SPOCK1: variants seen among roughly 807,000 people sequenced by gnomAD.
The protein encoded by SPOCK1 is SPARC (osteonectin), cwcv and kazal like domains proteoglycan 1, also known as testican-1.
In SPOCK1, 23 loss-of-function variants were observed where a neutral mutation model predicts 55.3. The observed-to-expected ratio is 0.42, with a 90% CI of 0.30 to 0.59. SPOCK1 has a LOEUF of 0.59. SPOCK1 is among the 20% of genes least tolerant of loss of function. The pLI is 0.22. For missense variants in SPOCK1, 499 were observed against 552.5 expected (o/e 0.90, Z 0.97); for synonymous variants, 226 against 221.0 (o/e 1.02, Z -0.20).
At chr5:137,070,578 C>T (rs116168179) in intron 5 of SPOCK1, among the ~76,000 whole-genome samples, 4,455 of 152,286 alleles carry the variant, frequency 0.029, 219 homozygotes, top group African/African-American at 0.1. Context: ...TACCAATCTG[C>T]CTGCACAAGG....
At chr5:137,131,118 T>C (rs995271920) in intron 4 of SPOCK1, among the ~76,000 whole-genome samples, 1 of 152,224 alleles carries the variant, frequency 6.6e-6, no homozygotes. Context: ...AAGAATGTCT[T>C]TCACGGTTCA....
chr5:137,106,871 C>T (rs1441124101), intron 5 of SPOCK1, among the ~76,000 whole-genome samples: 2 of 152,176 alleles, frequency 1.3e-5, no homozygotes, highest in Non-Finnish European at 2.9e-5. Flanking sequence ...TAGTGAACCC[C>T]TTTCCCTACC....
intron 2 of SPOCK1, among the ~76,000 whole-genome samples, chr5:137,455,635 T>C (rs572826462): frequency 6.6e-6 from 1 of 152,156 alleles, no homozygotes; most frequent in South Asian, 2.1e-4. Context: ...GCTTCTTGTC[T>C]CTAATACCTG....
intron 3 of SPOCK1, among the ~76,000 whole-genome samples, chr5:137,247,086 A>G (rs139541327): frequency 2.3e-3 from 356 of 152,350 alleles, no homozygotes; most frequent in African/African-American, 7.9e-3. Flanking sequence ...TGTCTGAAGG[A>G]TGAAGAGACA....
rs567845671 is a variant in SPOCK1, at chr5:137,094,309, T to G, written c.474+18126A>C. On this transcript the variant is annotated intron_variant, in intron 5 of 10. Coordinates refer to ENST00000394945, the MANE Select transcript of SPOCK1 (RefSeq NM_004598.4). ...GGCCACTCAAAAGCTACTCTACATA[T>G]GCACCATGCTATTCCTATTCACCAC... Among the ~76,000 whole-genome samples, 8 of 152,288 alleles carry G rather than the reference T, an allele frequency of 5.3e-5. No individual in the cohort carries two copies. The South Asian group carries it at 1.7e-3, about 32-fold the overall frequency.
chr5:136,996,827 G>T (rs758621417), intron 6 of SPOCK1, among the ~76,000 whole-genome samples: 28 of 152,090 alleles, frequency 1.8e-4, no homozygotes, highest in Admixed American at 1.3e-3. Flanking sequence ...CATGGGAGGG[G>T]ACAAATAAAG....
intron 5 of SPOCK1, among the ~76,000 whole-genome samples, chr5:137,094,481 A>G (rs538590591): frequency 6.6e-6 from 1 of 152,348 alleles, no homozygotes; most frequent in East Asian, 1.9e-4. Context: ...TGGTACATAT[A>G]AAAGTTATGT....
chr5:137,035,369 C>T (rs868635774), intron 6 of SPOCK1, among the ~76,000 whole-genome samples: 5 of 152,200 alleles, frequency 3.3e-5, no homozygotes, highest in South Asian at 4.1e-4. Flanking sequence ...GAAGCCATTT[C>T]TGGGCAGAGA....
intron 3 of SPOCK1, among the ~76,000 whole-genome samples, chr5:137,226,612 A>G (rs2065335168): frequency 6.6e-6 from 1 of 151,898 alleles, no homozygotes; most frequent in Non-Finnish European, 1.5e-5. Context: ...CCAGACTTTC[A>G]TTTTCACAGC....
chr5:137,024,317 G>GGGGGT (rs1561583063), intron 6 of SPOCK1, among the ~76,000 whole-genome samples: 2 of 89,160 alleles, frequency 2.2e-5, no homozygotes, highest in African/African-American at 3.2e-5. Flanking sequence ...AGTTTGAAGG[G>GGGGGT]GGGGGGGTAG....
In SPOCK1 at chr5:137,123,924, T is replaced by C. The variant is rs548526395; in HGVS notation, c.348-11363A>G. Among the ~76,000 whole-genome samples, 11 of 151,974 alleles carry C rather than the reference T, an allele frequency of 7.2e-5. No individual in the cohort carries two copies. In the South Asian group the frequency reaches 8.4e-4, roughly 12 times the overall value. On this transcript the variant is annotated intron_variant, in intron 4 of 10. Transcript: ENST00000394945. ...AGGGGGTCAAAATACCCACCAGAAATGTTGCACCAATTTGTACCCCCAATG... is the reference window on the plus strand; with the variant it reads ...AGGGGGTCAAAATACCCACCAGAAACGTTGCACCAATTTGTACCCCCAATG...
intron 2 of SPOCK1, among the ~76,000 whole-genome samples, chr5:137,459,183 C>A (rs1049362972): frequency 6.6e-6 from 1 of 152,040 alleles, no homozygotes; most frequent in South Asian, 2.1e-4. Flanking sequence ...TAGTCTTCTG[C>A]GAGCTAAAAA....
intron 2 of SPOCK1, among the ~76,000 whole-genome samples, chr5:137,283,462 C>T (rs1456841090): frequency 6.6e-6 from 1 of 152,150 alleles, no homozygotes; most frequent in African/African-American, 2.4e-5. Flanking sequence ...GCCTGTAATC[C>T]CAGCACTATG....
intron 3 of SPOCK1, among the ~76,000 whole-genome samples, chr5:137,215,436 G>C (rs1462658535): frequency 6.6e-6 from 1 of 152,100 alleles, no homozygotes; most frequent in African/African-American, 2.4e-5. Context: ...TGAGGGACAA[G>C]AGGAAAAGCC....
intron 6 of SPOCK1, among the ~76,000 whole-genome samples, chr5:137,020,592 C>A (rs1428551321): frequency 6.6e-6 from 1 of 151,882 alleles, no homozygotes; most frequent in Non-Finnish European, 1.5e-5. Context: ...TTAACAATTT[C>A]TTTGTATTAA....
At chr5:137,132,017 TATA>T (rs1561621212) in intron 4 of SPOCK1, among the ~76,000 whole-genome samples, 2 of 85,002 alleles carry the variant, frequency 2.4e-5, no homozygotes, top group African/African-American at 5.4e-5. Flanking sequence ...TATATATATA[TATA>T]AAAAATTAGC....
chr5:137,094,958 C>T (rs1116919), intron 5 of SPOCK1, among the ~76,000 whole-genome samples: 42,007 of 152,042 alleles, frequency 0.28, 6,051 homozygotes, highest in Non-Finnish European at 0.32. Flanking sequence ...CTTCCTTTCG[C>T]CTGAACACTT....
intron 2 of SPOCK1, among the ~76,000 whole-genome samples, chr5:137,376,446 G>A (rs529336165): frequency 9.8e-5 from 15 of 152,352 alleles, no homozygotes; most frequent in Non-Finnish European, 1.5e-4. Flanking sequence ...AAGGAGTAAT[G>A]AGAGTCACTT....
chr5:137,000,267 G>T (rs547753862), intron 6 of SPOCK1, among the ~76,000 whole-genome samples: 1 of 152,172 alleles, frequency 6.6e-6, no homozygotes, highest in South Asian at 2.1e-4. Context: ...AACGTGCTCA[G>T]AGTGTTTGCA....
Sources: gnomAD v4.1 joint callset for allele counts (sites outside exome capture counted in the v4.1 genomes callset) on GRCh38, gnomAD v4.1.1 for gene constraint, MANE v1.5 for transcripts, NCBI Gene and HGNC (gene_info 2026-07-23, HGNC 2026-07-21) for gene names.